KANK1: variants seen among roughly 807,000 people sequenced by gnomAD.
KANK1 encodes the protein KN motif and ankyrin repeat domains 1.
Under a neutral mutation model 106.2 loss-of-function variants are expected in KANK1, and 109 were observed. The ratio of observed to expected loss-of-function variants is 1.03; its 90% CI spans 0.88 to 1.20. The LOEUF is 1.20. Ranked by LOEUF, KANK1 falls within the 50% of genes most tolerant of loss-of-function variation. The probability of loss-of-function intolerance (pLI) is 0.00; values close to 1 mark genes in which losing one functional copy is unlikely to be tolerated. For synonymous variants in KANK1, 873 were observed against 652.2 expected, an observed-to-expected ratio of 1.34 and a Z score of -5.16; for missense variants, 2,399 against 1,710.7, an observed-to-expected ratio of 1.40 and a Z score of -7.10.
At chr9:591,672 T>G (rs1259698508) in intron 1 of KANK1, among the ~76,000 whole-genome samples, 1 of 151,808 alleles carries the variant, frequency 6.6e-6, no homozygotes, top group Non-Finnish European at 1.5e-5. Context: ...TGCAATTATT[T>G]ATTTATTTTT....
intron 3 of KANK1, chr9:488,987 G>T (rs993371621): frequency 6.6e-6 from 1 of 152,104 alleles, no homozygotes; most frequent in Non-Finnish European, 1.5e-5. Context: ...ATGGCACCAT[G>T]CTGGGCCTCA....
intron 1 of KANK1, among the ~76,000 whole-genome samples, chr9:629,730 T>C (rs367949895): frequency 2.0e-5 from 3 of 152,174 alleles, no homozygotes; most frequent in Non-Finnish European, 2.9e-5. Context: ...GTTGGAGATA[T>C]AACACCTTGT....
chr9:637,099 C>A (rs1447270799), intron 1 of KANK1, among the ~76,000 whole-genome samples: 1 of 152,170 alleles, frequency 6.6e-6, no homozygotes, highest in Admixed American at 6.5e-5. Flanking sequence ...TTCCACTCCT[C>A]CAACAACTCC....
At chr9:691,170 C>G (rs979449113) in intron 2 of KANK1, among the ~76,000 whole-genome samples, 6 of 152,088 alleles carry the variant, frequency 3.9e-5, no homozygotes, top group African/African-American at 1.4e-4. Context: ...TCTGGTGGAC[C>G]TCACCTTCAC....
At chr9:723,951 AAAG>A (rs1017493566) in intron 3 of KANK1, among the ~76,000 whole-genome samples, 21 of 151,432 alleles carry the variant, frequency 1.4e-4, no homozygotes, top group South Asian at 6.3e-4. Context: ...AAAAAAAAAA[AAAG>A]AAGCCAGGCG....
At chr9:722,520 G>A (rs569460535) in intron 3 of KANK1, among the ~76,000 whole-genome samples, 13 of 152,070 alleles carry the variant, frequency 8.5e-5, no homozygotes, top group Non-Finnish European at 1.6e-4. Context: ...CGTTTTCTTC[G>A]TTTTGCTCAA....
chr9:611,761 C>G (rs914558899), intron 1 of KANK1, among the ~76,000 whole-genome samples: 4 of 152,132 alleles, frequency 2.6e-5, no homozygotes, highest in African/African-American at 9.7e-5. Context: ...CTCTGTTGCC[C>G]AGGCTGGAGT....
chr9:623,052 C>A (rs75047007), intron 1 of KANK1, among the ~76,000 whole-genome samples: 2,065 of 152,198 alleles, frequency 0.014, 49 homozygotes, highest in African/African-American at 0.047. Context: ...CAAAAACATA[C>A]AAGTGGGACT....
intron 1 of KANK1, among the ~76,000 whole-genome samples, chr9:622,036 A>G (rs1488841791): frequency 6.6e-6 from 1 of 152,128 alleles, no homozygotes; most frequent in Non-Finnish European, 1.5e-5. Flanking sequence ...TTAAACTGAT[A>G]GGTTCAGGGT....
intron 2 of KANK1, among the ~76,000 whole-genome samples, chr9:696,311 C>G (rs1377841666): frequency 4.0e-5 from 6 of 151,724 alleles, no homozygotes; most frequent in Non-Finnish European, 5.9e-5. Context: ...TGCTTGACTT[C>G]TGCCTCCCCT....
intron 4 of KANK1, chr9:730,686 C>G (rs1589256921): frequency 1.1e-5 from 2 of 189,960 alleles, no homozygotes; most frequent in African/African-American, 2.4e-5. Flanking sequence ...GAAAGAGGCC[C>G]TGTCTCAAAA....
At chr9:580,918 G>A (rs142623344) in intron 1 of KANK1, among the ~76,000 whole-genome samples, 504 of 152,294 alleles carry the variant, frequency 3.3e-3, no homozygotes, top group African/African-American at 0.011. Context: ...CTTGCCCCAC[G>A]GGGAGGCAGC....
chr9:554,727 T>G (rs1195557356), intron 1 of KANK1, among the ~76,000 whole-genome samples: 1 of 152,222 alleles, frequency 6.6e-6, no homozygotes, highest in Non-Finnish European at 1.5e-5. Context: ...ATTTGACATT[T>G]TCAGCAATTG....
chr9:578,708 G>T (rs527336103), intron 1 of KANK1, among the ~76,000 whole-genome samples: 3 of 152,254 alleles, frequency 2.0e-5, no homozygotes, highest in South Asian at 2.1e-4. Context: ...TACTAAGTTG[G>T]ACTCTTCTTT....
chr9:741,324 A>AC (rs1310003925), intron 9 of KANK1, among the ~76,000 whole-genome samples: 5 of 129,716 alleles, frequency 3.9e-5, no homozygotes, highest in Non-Finnish European at 1.8e-5. Context: ...TCACAGCTTG[A>AC]CTTTTTTTTT....
At chr9:569,843 T>C (rs1273344107) in intron 1 of KANK1, among the ~76,000 whole-genome samples, 4 of 152,018 alleles carry the variant, frequency 2.6e-5, no homozygotes, top group Non-Finnish European at 5.9e-5. Context: ...TTTTTTCTCA[T>C]TTCAATATGT....
At chr9:739,235 C>CT (rs1443720141) in intron 8 of KANK1, among the ~76,000 whole-genome samples, 1 of 152,156 alleles carries the variant, frequency 6.6e-6, no homozygotes, top group Non-Finnish European at 1.5e-5. Context: ...ACATAGACCC[C>CT]AAGTCTTTTA....
rs1836703765 is a variant in KANK1, at chr9:744,594, G to A, written c.3996+5G>A. The A allele has an allele frequency of 6.2e-7, 1 of 1,614,030 alleles. No individual in the cohort carries two copies. Among genetic ancestry groups the A allele is most frequent in the Non-Finnish European group, 8.5e-7 (1 of 1,180,032 alleles). ...TTTGCAAAAGCCCAGTCTCCGGTCA[G>A]TGTTGTGCATTTGGCATTTGTAAAT... On this transcript the variant is annotated splice_donor_5th_base_variant and intron_variant, in intron 11 of 11. Coordinates refer to ENST00000382297, the MANE Select transcript of KANK1 (RefSeq NM_015158.5).
At chr9:608,541 A>G (rs1829850794) in intron 1 of KANK1, among the ~76,000 whole-genome samples, 1 of 151,860 alleles carries the variant, frequency 6.6e-6, no homozygotes, top group Non-Finnish European at 1.5e-5. Flanking sequence ...TAGGGCATTT[A>G]CATGTGGGAA....
Sources: gnomAD v4.1 joint callset for allele counts (sites outside exome capture counted in the v4.1 genomes callset) on GRCh38, gnomAD v4.1.1 for gene constraint, MANE v1.5 for transcripts, NCBI Gene and HGNC (gene_info 2026-07-23, HGNC 2026-07-21) for gene names.